Variants in UBXN2A observed in about 807,000 individuals in gnomAD.
UBXN2A encodes the protein UBX domain protein 2A, also known as UBX domain-containing protein 2A.
Under a neutral mutation model 28.4 loss-of-function variants are expected in UBXN2A, and 28 were observed. The ratio of observed to expected loss-of-function variants is 0.99; its 90% CI spans 0.73 to 1.35. The LOEUF (loss-of-function observed/expected upper bound fraction) is 1.35. Ranked by LOEUF, UBXN2A falls within the 40% of genes most tolerant of loss-of-function variation. The pLI, the probability that UBXN2A is intolerant of heterozygous loss-of-function variation, is 0.00. For synonymous variants in UBXN2A, 97 were observed against 103.6 expected, an observed-to-expected ratio of 0.94 and a Z score of 0.39; for missense variants, 253 against 297.9, an observed-to-expected ratio of 0.85 and a Z score of 1.11.
At chr2:23,976,828 G>A (rs1158362796) in intron 3 of UBXN2A, 141 bp from the exon 4 acceptor site, 1 of 589,792 alleles carries the variant, frequency 1.7e-6, no homozygotes, top group Non-Finnish European at 3.0e-6. Flanking sequence ...TAGTCCTCCT[G>A]TCTTGGCCTC....
At chr2:23,943,873 G>T in intron 1 of UBXN2A, 1 of 393,348 alleles carries the variant, frequency 2.5e-6, no homozygotes, top group Non-Finnish European at 5.0e-6. Context: ...GAGACATGTT[G>T]GAGTGGTCAT....
chr2:23,947,071 A>G (rs983318788), intron 1 of UBXN2A, among the ~76,000 whole-genome samples: 2 of 152,076 alleles, frequency 1.3e-5, no homozygotes, highest in Non-Finnish European at 2.9e-5. Context: ...TATTTGTAGT[A>G]GTGACAGGGT....
At chr2:23,977,877 G>A (rs1160432458) in intron 4 of UBXN2A, among the ~76,000 whole-genome samples, 1 of 151,988 alleles carries the variant, frequency 6.6e-6, no homozygotes, top group South Asian at 2.1e-4. Context: ...TTTTGCTCAG[G>A]CTGGAATACA....
Position 23,982,911 on chromosome 2 carries a change from A to G in UBXN2A, c.303A>G (p.Glu101=). The change falls in exon 5 of 7, where the codon GAA becomes GAG. Residue 101 remains glutamate, a synonymous_variant. Transcript: ENST00000309033. The part of the protein sequence containing the change: ...NSIKKGELPS[E]LQGIFDKEEV... ...GTTTTCCAAGGGAATTACCTTCAGA[A>G]TTACAGGGAATTTTTGATAAAGAAG... The G allele has an allele frequency of 1.2e-6, 2 of 1,606,180 alleles. No homozygotes were observed. The highest frequency in any genetic ancestry group is 1.7e-6 in the Non-Finnish European group (2 of 1,176,826).
intron 1 of UBXN2A, among the ~76,000 whole-genome samples, chr2:23,950,651 A>G (rs2150816874): frequency 6.6e-6 from 1 of 151,872 alleles, no homozygotes; most frequent in South Asian, 2.1e-4. Context: ...TGATCCGCCC[A>G]CCTCGGTCTT....
intron 1 of UBXN2A, among the ~76,000 whole-genome samples, chr2:23,952,798 G>T (rs2150821980): frequency 6.6e-6 from 1 of 152,126 alleles, no homozygotes; most frequent in East Asian, 1.9e-4. Flanking sequence ...AGCCTGGTTT[G>T]GCACTTCTGG....
intron 4 of UBXN2A, among the ~76,000 whole-genome samples, chr2:23,980,655 T>C (rs1275956957): frequency 6.6e-6 from 1 of 152,064 alleles, no homozygotes; most frequent in African/African-American, 2.4e-5. Flanking sequence ...TGAGACAGAG[T>C]CTTGCTCTGT....
At chr2:23,967,842 G>T (rs1245639225) in intron 2 of UBXN2A, among the ~76,000 whole-genome samples, 1 of 152,096 alleles carries the variant, frequency 6.6e-6, no homozygotes, top group East Asian at 1.9e-4. Flanking sequence ...GTATATACGA[G>T]AGGACTACCT....
At chr2:23,954,982 G>C (rs1706548416) in intron 1 of UBXN2A, among the ~76,000 whole-genome samples, 1 of 146,880 alleles carries the variant, frequency 6.8e-6, no homozygotes. Context: ...CGCCAGACTG[G>C]AGTGCAGTGG....
chr2:23,927,956 A>C (rs2150773903), intron 1 of UBXN2A, among the ~76,000 whole-genome samples: 1 of 152,246 alleles, frequency 6.6e-6, no homozygotes, highest in South Asian at 2.1e-4. Flanking sequence ...TGGGTGGATC[A>C]CCTGAGGTCA....
intron 1 of UBXN2A, chr2:23,943,783 GC>G: frequency 4.2e-6 from 1 of 237,686 alleles, no homozygotes; most frequent in South Asian, 6.0e-5. Flanking sequence ...AAACCACCGT[GC>G]CCAGCTAAAG....
intron 3 of UBXN2A, among the ~76,000 whole-genome samples, chr2:23,972,768 G>C (rs899983548): frequency 2.0e-5 from 3 of 152,124 alleles, no homozygotes; most frequent in Non-Finnish European, 4.4e-5. Flanking sequence ...GTTGCAGTGA[G>C]TTGAGATTGC....
chr2:23,993,711 CAG>C (rs36122952), intron 6 of UBXN2A, among the ~76,000 whole-genome samples: 66,809 of 147,186 alleles, frequency 0.45, 15,910 homozygotes, highest in East Asian at 0.78. Context: ...TTTTTCAAGA[CAG>C]AGTCTTGCTC....
intron 1 of UBXN2A, among the ~76,000 whole-genome samples, chr2:23,934,505 G>A (rs1166238515): frequency 6.6e-6 from 1 of 152,178 alleles, no homozygotes; most frequent in Non-Finnish European, 1.5e-5. Context: ...ATGGTTGGCA[G>A]GGCTACCAAT....
chr2:23,944,682 G>C (rs1471426589), intron 1 of UBXN2A, among the ~76,000 whole-genome samples: 2 of 152,266 alleles, frequency 1.3e-5, no homozygotes, highest in Non-Finnish European at 2.9e-5. Flanking sequence ...TCCTTCCTGG[G>C]ATATTGGAAA....
At chr2:23,949,644 G>T (rs557774313) in intron 1 of UBXN2A, among the ~76,000 whole-genome samples, 1 of 152,052 alleles carries the variant, frequency 6.6e-6, no homozygotes, top group Admixed American at 6.6e-5. Context: ...GGAGGCCAAG[G>T]CAGGAGGATC....
chr2:23,975,987 C>G (rs906619739), intron 3 of UBXN2A, among the ~76,000 whole-genome samples: 1 of 152,156 alleles, frequency 6.6e-6, no homozygotes, highest in Non-Finnish European at 1.5e-5. Flanking sequence ...CATGAGCTTT[C>G]TGTTTCTGAT....
In UBXN2A at chr2:24,000,064, C is replaced by T. The variant is rs145877496; in HGVS notation, c.*197C>T. Reference sequence around the variant, plus strand: ...ATGACTGGAAACTATATTCAGTGCACTTTCTCCAAAAGACTACCCAGAAAA... The same window carrying T: ...ATGACTGGAAACTATATTCAGTGCATTTTCTCCAAAAGACTACCCAGAAAA... On this transcript the variant is annotated 3_prime_UTR_variant, in exon 7 of 7. Coordinates refer to ENST00000309033, the MANE Select transcript of UBXN2A (RefSeq NM_181713.4). 4.8e-5 allele frequency: 26 copies of T among 536,936 alleles called. No homozygotes were observed. 33.3% of individuals were successfully genotyped at this position (536,936 alleles called of 1,614,324 possible).
intron 2 of UBXN2A, among the ~76,000 whole-genome samples, chr2:23,962,690 C>T (rs181272915): frequency 0.011 from 1,631 of 150,522 alleles, 12 homozygotes; most frequent in South Asian, 0.018. Context: ...ATGGCAGCCT[C>T]AGCCTCCTGG....
Sources: allele counts gnomAD v4.1 joint callset (sites outside exome capture counted in the v4.1 genomes callset), GRCh38; gene constraint gnomAD v4.1.1; transcripts MANE v1.5; gene names NCBI Gene and HGNC (gene_info 2026-07-23, HGNC 2026-07-21).